The following DYNC1LI1 variants were observed in gnomAD, a reference collection of about 807,000 sequenced individuals.
DYNC1LI1 encodes cytoplasmic dynein 1 light intermediate chain 1.
DYNC1LI1 carries 19 observed loss-of-function variants against 63.8 expected under a neutral mutation model. That is an observed-to-expected ratio of 0.30 (90% CI 0.21 to 0.44). DYNC1LI1 has a LOEUF of 0.44. DYNC1LI1 is among the 20% of genes least tolerant of loss of function. The pLI is 1.00. For synonymous variants in DYNC1LI1, 225 were observed against 232.3 expected, an observed-to-expected ratio of 0.97 and a Z score of 0.28; for missense variants, 565 against 630.2, an observed-to-expected ratio of 0.90 and a Z score of 1.11.
intron 2 of DYNC1LI1, among the ~76,000 whole-genome samples, chr3:32,559,937 G>A (rs578140380): frequency 2.6e-5 from 4 of 152,138 alleles, no homozygotes; most frequent in African/African-American, 7.2e-5. Flanking sequence ...GACCCAGGTA[G>A]GGTGAGGGAC....
intron 6 of DYNC1LI1, among the ~76,000 whole-genome samples, chr3:32,536,387 TC>T (rs1324474885): frequency 9.9e-5 from 15 of 152,162 alleles, no homozygotes; most frequent in African/African-American, 3.4e-4. Flanking sequence ...CAGTAAAGTC[TC>T]TAAAAAGTAC....
At chr3:32,568,483 T>G (rs1698298426) in intron 2 of DYNC1LI1, among the ~76,000 whole-genome samples, 1 of 152,216 alleles carries the variant, frequency 6.6e-6, no homozygotes, top group Non-Finnish European at 1.5e-5. Flanking sequence ...TACCTGATAT[T>G]AGATGCACTT....
At position 32,545,969 on chromosome 3, in the gene DYNC1LI1, G is replaced by T; in HGVS notation, c.221-4C>A. ...GTTTTTCCAGCTCCATCTTCACCTA[G>T]ATATGTAAAAAAAGGATAAATCTTA... is the stretch of plus-strand genomic sequence containing the variant. On this transcript the variant is annotated splice_region_variant and splice_polypyrimidine_tract_variant and intron_variant, in intron 2 of 12. Transcript: ENST00000273130. 1 of 1,532,940 alleles carries T rather than the reference G, an allele frequency of 6.5e-7. No homozygotes were observed. Among genetic ancestry groups the T allele is most frequent in the Non-Finnish European group, 9.0e-7 (1 of 1,112,500 alleles). The allele number at this position is 1,532,940 out of a possible 1,614,324, so 95.0% of individuals were successfully genotyped here. A position where few individuals can be genotyped will look rare whatever the true frequency, so the allele number is the denominator to read the frequency against.
chr3:32,548,714 G>C (rs977202413), intron 2 of DYNC1LI1, among the ~76,000 whole-genome samples: 4 of 152,138 alleles, frequency 2.6e-5, no homozygotes, highest in Admixed American at 2.6e-4. Flanking sequence ...ACAATATGCT[G>C]TACTGAAAAA....
chr3:32,551,481 A>G (rs1391593708), intron 2 of DYNC1LI1, among the ~76,000 whole-genome samples: 6 of 152,216 alleles, frequency 3.9e-5, no homozygotes, highest in Non-Finnish European at 7.3e-5. Context: ...TGCCAAGCTG[A>G]GAAGGTCAGA....
chr3:32,556,491 A>G (rs1396994949), intron 2 of DYNC1LI1, among the ~76,000 whole-genome samples: 1 of 152,196 alleles, frequency 6.6e-6, no homozygotes, highest in Non-Finnish European at 1.5e-5. Flanking sequence ...TGTCTTATGT[A>G]CAGATCTTTC....
chr3:32,552,862 C>A (rs530779895), intron 2 of DYNC1LI1, among the ~76,000 whole-genome samples: 3 of 152,286 alleles, frequency 2.0e-5, no homozygotes, highest in African/African-American at 4.8e-5. Context: ...CACGCCACCA[C>A]GCCCAGCTAA....
intron 8 of DYNC1LI1, chr3:32,531,790 T>G (rs1277742214): frequency 2.0e-5 from 3 of 152,172 alleles, no homozygotes; most frequent in Non-Finnish European, 2.9e-5. Flanking sequence ...GATATATATG[T>G]CAAGATTAAA....
rs1255782664 is a variant in DYNC1LI1, at chr3:32,534,536, C to T, written c.943G>A (p.Val315Ile). 1 of 1,592,644 alleles carries T rather than the reference C, an allele frequency of 6.3e-7. No individual in the cohort carries two copies. The highest frequency in any genetic ancestry group is 1.1e-5 in the South Asian group (1 of 89,100). ...ATAAATACTGCATCCTTTTCCACAA[C>T]AACAGCAGGAATCTTATAGGGAAAT... is the stretch of plus-strand genomic sequence containing the variant. ...YGFPYKIPAVVVEKDAVFIPA... is the reference protein window; with the variant it reads ...YGFPYKIPAVIVEKDAVFIPA... The change falls in exon 7 of 13, where the codon GTT becomes ATT. Residue 315 changes from valine (V) to isoleucine (I), a missense_variant. Physicochemically the swap from Val to Ile is conservative, Grantham distance 29. Transcript: ENST00000273130.
intron 2 of DYNC1LI1, among the ~76,000 whole-genome samples, chr3:32,554,023 A>C (rs1698078737): frequency 6.6e-6 from 1 of 152,228 alleles, no homozygotes; most frequent in Admixed American, 6.5e-5. Context: ...AATCTATGTA[A>C]CAACAACAAC....
intron 11 of DYNC1LI1, among the ~76,000 whole-genome samples, chr3:32,528,927 T>C (rs1276610829): frequency 6.6e-6 from 1 of 152,160 alleles, no homozygotes; most frequent in African/African-American, 2.4e-5. Context: ...CCTCAAGTAT[T>C]AGGAAAAGTT....
intron 4 of DYNC1LI1, among the ~76,000 whole-genome samples, chr3:32,541,823 C>T (rs1028627553): frequency 3.9e-5 from 6 of 152,074 alleles, no homozygotes; most frequent in African/African-American, 9.7e-5. Context: ...GTTTAGACTC[C>T]GTAATTACTC....
chr3:32,552,749 A>C (rs1575156745), intron 2 of DYNC1LI1, among the ~76,000 whole-genome samples: 1 of 152,160 alleles, frequency 6.6e-6, no homozygotes, highest in African/African-American at 2.4e-5. Flanking sequence ...CTCTTTCGCC[A>C]GGCTGGAGTG....
chr3:32,554,177 T>A (rs1166967929), intron 2 of DYNC1LI1, among the ~76,000 whole-genome samples: 1 of 152,244 alleles, frequency 6.6e-6, no homozygotes, highest in African/African-American at 2.4e-5. Context: ...CAGGTGGATA[T>A]GTTCCTAGTC....
intron 3 of DYNC1LI1, chr3:32,545,517 G>C (rs1000535037): frequency 3.0e-6 from 1 of 337,666 alleles, no homozygotes; most frequent in Non-Finnish European, 5.4e-6. Context: ...AAGCTGAGTA[G>C]ATAATATTTT....
chr3:32,542,978 T>A (rs1334249017), intron 4 of DYNC1LI1, among the ~76,000 whole-genome samples: 4 of 152,212 alleles, frequency 2.6e-5, no homozygotes, highest in Non-Finnish European at 5.9e-5. Context: ...TAATAGTGGC[T>A]GTCAAATTTT....
intron 2 of DYNC1LI1, among the ~76,000 whole-genome samples, chr3:32,568,833 C>T (rs1279459225): frequency 2.6e-5 from 4 of 152,114 alleles, no homozygotes; most frequent in African/African-American, 9.7e-5. Flanking sequence ...TCAATGAGGT[C>T]ATATGAGCTT....
At chr3:32,563,213 G>T (rs1559445110) in intron 2 of DYNC1LI1, among the ~76,000 whole-genome samples, 1 of 151,488 alleles carries the variant, frequency 6.6e-6, no homozygotes, top group Non-Finnish European at 1.5e-5. Context: ...AATCTGTGGG[G>T]TCTTTCTAAT....
At chr3:32,533,432 G>A (rs559760924) in intron 7 of DYNC1LI1, among the ~76,000 whole-genome samples, 1 of 152,230 alleles carries the variant, frequency 6.6e-6, no homozygotes, top group South Asian at 2.1e-4. Flanking sequence ...AGCCGAGATC[G>A]CACCATTGCA....
Sources: gnomAD v4.1 joint callset for allele counts (sites outside exome capture counted in the v4.1 genomes callset) on GRCh38, gnomAD v4.1.1 for gene constraint, MANE v1.5 for transcripts, NCBI Gene and HGNC (gene_info 2026-07-23, HGNC 2026-07-21) for gene names.